Variants in PIP4K2A observed in about 807,000 individuals in gnomAD.
PIP4K2A encodes phosphatidylinositol-5-phosphate 4-kinase type 2 alpha.
A neutral mutation model predicts 42.9 loss-of-function variants in PIP4K2A; 14 were observed. The observed-to-expected ratio is 0.33, with a 90% CI of 0.22 to 0.51. The LOEUF (loss-of-function observed/expected upper bound fraction) is 0.51, where lower values mean the gene tolerates loss of function less well. Ranked by LOEUF, PIP4K2A falls within the 20% of genes least tolerant of loss-of-function variation. The pLI, the probability that PIP4K2A is intolerant of heterozygous loss-of-function variation, is 0.97. For missense variants in PIP4K2A, 434 were observed against 519.8 expected, an observed-to-expected ratio of 0.83 and a Z score of 1.61; for synonymous variants, 192 against 192.2, an observed-to-expected ratio of 1.00 and a Z score of 0.01.
chr10:22,671,623 G>A (rs553343928), intron 1 of PIP4K2A, among the ~76,000 whole-genome samples: 7 of 152,148 alleles, frequency 4.6e-5, no homozygotes, highest in African/African-American at 1.7e-4. Flanking sequence ...AGGCAAAGGG[G>A]TACAACCAGA....
Position 22,679,921 on chromosome 10 carries a change from G to A in PIP4K2A, c.144+34262C>T, listed in dbSNP as rs371452581. 2.6e-5 allele frequency among the ~76,000 whole-genome samples: 4 copies of A among 152,018 alleles called. 1 individual carries two copies. In the South Asian group the frequency reaches 8.3e-4, roughly 32 times the overall value. On this transcript the variant is annotated intron_variant, in intron 1 of 9. Transcript: ENST00000376573. ...GGTTTCTTTTAGAGAGGATGAAAAT[G>A]TTCTAAGATTAGATTGAGAATGGTT... is the stretch of plus-strand genomic sequence containing the variant.
At chr10:22,623,216 C>T (rs1020603899) in intron 1 of PIP4K2A, among the ~76,000 whole-genome samples, 26 of 152,048 alleles carry the variant, frequency 1.7e-4, no homozygotes, top group African/African-American at 4.3e-4. Context: ...ATGAAACTCA[C>T]TGAGAAAGCA....
chr10:22,687,730 A>G (rs748132121), intron 1 of PIP4K2A, among the ~76,000 whole-genome samples: 6 of 152,142 alleles, frequency 3.9e-5, no homozygotes, highest in South Asian at 4.1e-4. Context: ...TGGATACTCT[A>G]TATCATTTCT....
chr10:22,612,547 C>T (rs925547093), intron 1 of PIP4K2A, among the ~76,000 whole-genome samples: 5 of 152,168 alleles, frequency 3.3e-5, no homozygotes, highest in East Asian at 1.9e-4. Context: ...CACCGGGAAG[C>T]GGCTGCTGTA....
chr10:22,668,994 CTT>C (rs969834057), intron 1 of PIP4K2A, among the ~76,000 whole-genome samples: 1 of 152,078 alleles, frequency 6.6e-6, no homozygotes, highest in African/African-American at 2.4e-5. Context: ...TTTTAATACT[CTT>C]TTTTTGTTGC....
chr10:22,549,671 C>T (rs1836349148), intron 7 of PIP4K2A, among the ~76,000 whole-genome samples: 1 of 151,568 alleles, frequency 6.6e-6, no homozygotes, highest in Admixed American at 6.6e-5. Flanking sequence ...GAAACCCCGT[C>T]TCTAATAAAA....
At chr10:22,653,353 C>T (rs1228481548) in intron 1 of PIP4K2A, among the ~76,000 whole-genome samples, 5 of 152,128 alleles carry the variant, frequency 3.3e-5, no homozygotes, top group Admixed American at 6.5e-5. Context: ...TCTTTCTACC[C>T]AGTGTCACAC....
At chr10:22,610,095 A>G (rs954795438) in intron 1 of PIP4K2A, among the ~76,000 whole-genome samples, 2 of 152,224 alleles carry the variant, frequency 1.3e-5, no homozygotes, top group African/African-American at 2.4e-5. Flanking sequence ...TGAGAAAGAA[A>G]GCTTTTAAAT....
chr10:22,673,818 T>C (rs1469344739), intron 1 of PIP4K2A, among the ~76,000 whole-genome samples: 2 of 152,160 alleles, frequency 1.3e-5, no homozygotes, highest in Non-Finnish European at 2.9e-5. Flanking sequence ...ACTATTTTTA[T>C]TCATACCACT....
intron 1 of PIP4K2A, among the ~76,000 whole-genome samples, chr10:22,636,703 C>A (rs1370314034): frequency 6.6e-6 from 1 of 152,156 alleles, no homozygotes; most frequent in East Asian, 1.9e-4. Context: ...AATACAAGCC[C>A]AGCGTGTAAA....
chr10:22,661,236 C>T (rs189430978), intron 1 of PIP4K2A, among the ~76,000 whole-genome samples: 1 of 151,996 alleles, frequency 6.6e-6, no homozygotes, highest in East Asian at 1.9e-4. Context: ...AGTGCCTAAA[C>T]ATTGATCAGA....
intron 1 of PIP4K2A, among the ~76,000 whole-genome samples, chr10:22,678,365 C>CACAT: frequency 1.3e-5 from 2 of 152,172 alleles, no homozygotes; most frequent in South Asian, 4.2e-4. Flanking sequence ...AAAGAGAACA[C>CACAT]ACATACATAC....
At chr10:22,613,900 T>TC (rs781350286) in intron 1 of PIP4K2A, among the ~76,000 whole-genome samples, 3 of 152,168 alleles carry the variant, frequency 2.0e-5, no homozygotes, top group Non-Finnish European at 4.4e-5. Flanking sequence ...AAATGGAAAG[T>TC]CAGTACAAAA....
At chr10:22,553,945 G>A (rs1344077558) in intron 6 of PIP4K2A, among the ~76,000 whole-genome samples, 4 of 151,926 alleles carry the variant, frequency 2.6e-5, no homozygotes, top group African/African-American at 7.3e-5. Flanking sequence ...AGACCAGTCT[G>A]GCTAACATAG....
chr10:22,641,084 G>C (rs924884651), intron 1 of PIP4K2A, among the ~76,000 whole-genome samples: 17 of 152,120 alleles, frequency 1.1e-4, no homozygotes, highest in Admixed American at 1.0e-3. Flanking sequence ...TTTAAAATTT[G>C]TCATCTTAAA....
At chr10:22,592,957 T>TA (rs1340349062) in intron 3 of PIP4K2A, among the ~76,000 whole-genome samples, 5 of 152,242 alleles carry the variant, frequency 3.3e-5, no homozygotes, top group Non-Finnish European at 7.3e-5. Context: ...GGAACACAGA[T>TA]ACCTTCAGAG....
At chr10:22,563,683 C>T (rs769414001) in intron 6 of PIP4K2A, among the ~76,000 whole-genome samples, 1 of 152,160 alleles carries the variant, frequency 6.6e-6, no homozygotes, top group African/African-American at 2.4e-5. Context: ...AATGTGCGCT[C>T]TGGGGCTGCT....
chr10:22,640,735 A>G (rs776040821), intron 1 of PIP4K2A, among the ~76,000 whole-genome samples: 1 of 152,208 alleles, frequency 6.6e-6, no homozygotes, highest in Non-Finnish European at 1.5e-5. Flanking sequence ...GGGGTGATTG[A>G]CACTACGTTG....
chr10:22,662,222 G>T (rs1839216435), intron 1 of PIP4K2A, among the ~76,000 whole-genome samples: 1 of 152,180 alleles, frequency 6.6e-6, no homozygotes, highest in Non-Finnish European at 1.5e-5. Flanking sequence ...AATGCCAATT[G>T]TTTAATCTAG....
Sources: gnomAD v4.1 joint callset for allele counts (sites outside exome capture counted in the v4.1 genomes callset) on GRCh38, gnomAD v4.1.1 for gene constraint, MANE v1.5 for transcripts, NCBI Gene and HGNC (gene_info 2026-07-23, HGNC 2026-07-21) for gene names.